Variants in HLTF observed in about 807,000 individuals in gnomAD.
The protein encoded by HLTF is DNA-dependent ATPase/E3 ubiquitin-protein ligase HLTF.
Under a neutral mutation model 129.4 loss-of-function variants are expected in HLTF, and 127 were observed. The observed-to-expected ratio is 0.98, with a 90% CI of 0.85 to 1.14. The LOEUF (loss-of-function observed/expected upper bound fraction) is 1.14. Among genes scored for constraint, HLTF ranks in the 50% most tolerant of loss-of-function variants. HLTF has a pLI of 0.00. For missense variants in HLTF, 1,139 were observed against 1,187.1 expected, an observed-to-expected ratio of 0.96 and a Z score of 0.60; for synonymous variants, 332 against 388.8, an observed-to-expected ratio of 0.85 and a Z score of 1.72.
At chr3:149,032,957 C>CAAAAAAAA (rs67952189) in intron 24 of HLTF, among the ~76,000 whole-genome samples, 21 of 67,592 alleles carry the variant, frequency 3.1e-4, no homozygotes, top group South Asian at 5.6e-4. Flanking sequence ...AGCGACGTCT[C>CAAAAAAAA]AAAAAAAAAA....
intron 17 of HLTF, among the ~76,000 whole-genome samples, chr3:149,047,211 T>TTAGTC (rs3070552): frequency 0.82 from 123,772 of 151,680 alleles, 51,054 homozygotes; most frequent in African/African-American, 0.93. Context: ...TTGAACCACA[T>TTAGTC]TACATCTTGC....
Position 149,084,744 on chromosome 3 carries a change from C to A in HLTF, c.166G>T (p.Asp56Tyr). Residue 56 changes from aspartate (D) to tyrosine (Y), a missense_variant, in exon 2 of 25, where the codon GAT becomes TAT. Transcript: ENST00000310053. ...DDFLTSDEEV[D>Y]SVLFGSLRGH... is the part of the protein sequence containing the mutation. ...CTCAAACTTCCAAATAAAACGGAAT[C>A]TACTTCTTCATCACTAGTTAGAAAG... 1.2e-6 allele frequency: 2 copies of A among 1,614,060 alleles called. No individual in the cohort carries two copies. The highest frequency in any genetic ancestry group is 1.7e-6 in the Non-Finnish European group (2 of 1,179,958).
intron 1 of HLTF, among the ~76,000 whole-genome samples, chr3:149,086,084 C>T (rs1365195168): frequency 3.9e-5 from 6 of 152,144 alleles, no homozygotes; most frequent in Non-Finnish European, 7.4e-5. Context: ...AGGCCCCCCA[C>T]AGTCGGTGAC....
At chr3:149,040,355 AG>A (rs1330033992) in intron 20 of HLTF, 199 bp from the exon 21 acceptor site, 1 of 484,944 alleles carries the variant, frequency 2.1e-6, no homozygotes, top group Admixed American at 4.1e-5. Flanking sequence ...GAACGGATAA[AG>A]GAGGGAGCAA....
chr3:149,044,039 T>A (rs1559859057), intron 18 of HLTF, among the ~76,000 whole-genome samples: 1 of 152,124 alleles, frequency 6.6e-6, no homozygotes, highest in Non-Finnish European at 1.5e-5. Flanking sequence ...AAGATTAAAC[T>A]TACAAGCTCT....
At chr3:149,081,263 A>G (rs1440689965) in intron 2 of HLTF, among the ~76,000 whole-genome samples, 1 of 123,844 alleles carries the variant, frequency 8.1e-6, no homozygotes, top group Non-Finnish European at 1.8e-5. Flanking sequence ...TTGAAAACAC[A>G]CTAAAAAAAA....
chr3:149,063,312 G>A (rs1465199723), intron 10 of HLTF, 119 bp downstream of exon 10: 31 of 649,070 alleles, frequency 4.8e-5, no homozygotes, highest in South Asian at 1.8e-4. Context: ...CGCCCGCCTC[G>A]GCCTCCCAAA....
intron 2 of HLTF, among the ~76,000 whole-genome samples, chr3:149,081,141 T>C (rs1057274257): frequency 6.6e-6 from 1 of 152,114 alleles, no homozygotes; most frequent in African/African-American, 2.4e-5. Flanking sequence ...TCTCAGAAAG[T>C]ATCTTCATTG....
At chr3:149,064,256 A>C (rs1287360183) in intron 9 of HLTF, among the ~76,000 whole-genome samples, 2 of 152,158 alleles carry the variant, frequency 1.3e-5, no homozygotes, top group African/African-American at 4.8e-5. Flanking sequence ...TTCCAAACTT[A>C]AGTAATAGCA....
intron 5 of HLTF, 108 bp from the exon 6 acceptor site, chr3:149,071,765 G>A (rs922962708): frequency 8.3e-5 from 60 of 724,404 alleles, no homozygotes; most frequent in Non-Finnish European, 1.3e-4. Context: ...ATGTCAAACG[G>A]GCCAGGAGTG....
In HLTF at chr3:149,042,189, G is replaced by A. The variant is rs1451549761; in HGVS notation, c.2174C>T (p.Ala725Val). Reference sequence around the variant, plus strand: ...ACCTGAGGGGCCATTGGAAGACACTGCATTTGTAAGAAGGTAAGTATGGCA... The same window carrying A: ...ACCTGAGGGGCCATTGGAAGACACTACATTTGTAAGAAGGTAAGTATGGCA... ...ICCHTYLLTN[A>V]VSSNGPSGND... is the part of the protein sequence containing the mutation. Residue 725 changes from alanine to valine, a missense_variant, in exon 19 of 25, where the codon GCA becomes GTA. Physicochemically the swap from Ala to Val is moderately conservative, Grantham distance 64. Coordinates refer to ENST00000310053, the MANE Select transcript of HLTF (RefSeq NM_003071.4). The A allele has an allele frequency of 1.2e-6, 2 of 1,613,190 alleles. No individual in the cohort carries two copies. The highest frequency in any genetic ancestry group is 1.7e-6 in the Non-Finnish European group (2 of 1,179,232).
chr3:149,030,318 G>A lies in HLTF; in HGVS notation c.*1902C>T, dbSNP rs1714894225. 1.3e-5 allele frequency: 2 copies of A among 151,946 alleles called. No homozygotes were observed. The highest frequency in any genetic ancestry group is 1.3e-4 in the Admixed American group (2 of 15,260). The allele number at this position is 151,946 out of a possible 1,614,324, so 9.4% of individuals were successfully genotyped here. On this transcript the variant is annotated 3_prime_UTR_variant, in exon 25 of 25. Transcript: ENST00000310053. ...TTTTTTATATATTTATCCTTCTTAGGAAGGACAAATTAAATTTTTTAAATT... is the reference window on the plus strand; with the variant it reads ...TTTTTTATATATTTATCCTTCTTAGAAAGGACAAATTAAATTTTTTAAATT...
At chr3:149,052,417 A>G (rs560067987) in intron 14 of HLTF, among the ~76,000 whole-genome samples, 1 of 152,320 alleles carries the variant, frequency 6.6e-6, no homozygotes, top group South Asian at 2.1e-4. Flanking sequence ...TTCAAGAAAA[A>G]AAACCAAGGT....
At position 149,065,907 on chromosome 3, in the gene HLTF, C is replaced by T. The variant is rs1718337813; in HGVS notation, c.991-1041G>A. Among the ~76,000 whole-genome samples, 4 of 152,242 alleles carry T rather than the reference C, an allele frequency of 2.6e-5. No individual in the cohort carries two copies. The South Asian group carries it at 8.3e-4, about 32-fold the overall frequency. ...TAGACAGTTAATGTCTAAGCATTAGCTCCAAGAAAGAGATGGTAAAAATGC... is the reference window on the plus strand; with the variant it reads ...TAGACAGTTAATGTCTAAGCATTAGTTCCAAGAAAGAGATGGTAAAAATGC... On this transcript the variant is annotated intron_variant, in intron 8 of 24. Transcript: ENST00000310053.
At position 149,041,683 on chromosome 3, in the gene HLTF, GA is replaced by G. The variant is rs1716145740; in HGVS notation, c.2198-16del. The G allele has an allele frequency of 6.3e-7, 1 of 1,576,818 alleles. No homozygotes were observed. Among genetic ancestry groups the G allele is most frequent in the Non-Finnish European group, 8.7e-7 (1 of 1,151,400 alleles). ...TGTATCATTTCCTAGAGAAAAGGCT[GA>G]AAAATTAATTTCAGAGCAAGGTTTG... On this transcript the variant is annotated splice_polypyrimidine_tract_variant and intron_variant, in intron 19 of 24. Transcript: ENST00000310053.
rs372645862 is a variant in HLTF, at chr3:149,036,297, G to GTTTTTTGTTTT, written c.2797-1300_2797-1299insAAAACAAAAAA. ...TTAAATTTTAAATTAAAACTATGAGGTTTTTTTTTTGAGATGGAGTCTCGC... is the reference window on the plus strand; with the variant it reads ...TTAAATTTTAAATTAAAACTATGAGGTTTTTTGTTTTTTTTTTTTTTGAGATGGAGTCTCGC... On this transcript the variant is annotated intron_variant, in intron 23 of 24. Coordinates refer to ENST00000310053, the MANE Select transcript of HLTF (RefSeq NM_003071.4). 9.1e-3 allele frequency among the ~76,000 whole-genome samples: 986 copies of GTTTTTTGTTTT among 107,966 alleles called. 49 individuals carry two copies. Among genetic ancestry groups the GTTTTTTGTTTT allele is most frequent in the Middle Eastern group, 0.024 (3 of 126 alleles). The allele number at this position is 107,966 out of a possible 152,430, so 70.8% of individuals were successfully genotyped here.
In HLTF at chr3:149,068,291, A is replaced by G. The variant is rs1718571896; in HGVS notation, c.939T>C (p.His313=). ...TTTCAATAGGAAGAGGTCTGCCATC[A>G]TGGAAGTTGGTAAGGATTACTGCAA... ...TAIAVILTNF[H]DGRPLPIERV... The change falls in exon 8 of 25, where the codon CAT becomes CAC. Residue 313 remains histidine, a synonymous_variant. Transcript: ENST00000310053. The G allele has an allele frequency of 6.3e-7, 1 of 1,577,698 alleles. No homozygotes were observed. The highest frequency in any genetic ancestry group is 8.7e-7 in the Non-Finnish European group (1 of 1,150,844).
intron 14 of HLTF, among the ~76,000 whole-genome samples, chr3:149,051,778 G>A (rs957631900): frequency 4.6e-5 from 7 of 152,122 alleles, no homozygotes; most frequent in Non-Finnish European, 1.0e-4. Context: ...GCTAAGGCAT[G>A]AGAATCACTT....
At chr3:149,042,060 T>C in intron 19 of HLTF, 106 bp downstream of exon 19, 1 of 983,524 alleles carries the variant, frequency 1.0e-6, no homozygotes, top group Non-Finnish European at 1.6e-6. Flanking sequence ...AATCTCCATT[T>C]GACAGAACAA....
Sources: gnomAD v4.1 joint callset for allele counts (sites outside exome capture counted in the v4.1 genomes callset) on GRCh38, gnomAD v4.1.1 for gene constraint, MANE v1.5 for transcripts, NCBI Gene and HGNC (gene_info 2026-07-23, HGNC 2026-07-21) for gene names.